The following PCDH15 variants were observed in gnomAD, a reference collection of about 807,000 sequenced individuals.
The protein encoded by PCDH15 is protocadherin-15.
PCDH15 carries 129 observed loss-of-function variants against 178.5 expected under a neutral mutation model. The observed-to-expected ratio is 0.72, with a 90% CI of 0.63 to 0.84. The LOEUF is 0.84. Among genes scored for constraint, PCDH15 ranks in the 40% least tolerant of loss-of-function variants. The pLI is 0.00. For synonymous variants in PCDH15, 800 were observed against 732.0 expected (o/e 1.09, Z -1.50); for missense variants, 2,230 against 2,099.9 (o/e 1.06, Z -1.21).
At chr10:54,026,111 C>T (rs116190623) in intron 18 of PCDH15, among the ~76,000 whole-genome samples, 1,704 of 151,682 alleles carry the variant, frequency 0.011, 32 homozygotes, top group African/African-American at 0.04. Flanking sequence ...CTCTGTCACC[C>T]ATGCTGGTGT....
chr10:54,684,461 G>A (rs1024081579), intron 1 of PCDH15, among the ~76,000 whole-genome samples: 1 of 151,946 alleles, frequency 6.6e-6, no homozygotes, highest in Non-Finnish European at 1.5e-5. Context: ...AAATGTTAAA[G>A]CATATGTGGC....
At position 54,746,275 on chromosome 10, in the gene PCDH15, T is replaced by C. The variant is rs111568685; in HGVS notation, c.-29+54650A>G. On this transcript the variant is annotated intron_variant, in intron 1 of 37. Transcript: ENST00000644397. ...TTTCTAAGCACTGTCAAATGTCCTTTTGGGGGCAAAATAATTGTCTGTTAA... is the reference window on the plus strand; with the variant it reads ...TTTCTAAGCACTGTCAAATGTCCTTCTGGGGGCAAAATAATTGTCTGTTAA... Among the ~76,000 whole-genome samples the C allele has an allele frequency of 8.4e-3, 1,276 of 152,158 alleles. 15 individuals carry two copies. The highest frequency in any genetic ancestry group is 0.013 in the Non-Finnish European group (867 of 68,002).
rs751216960 is a variant in PCDH15 at position 53,810,573 on chromosome 10, C to A, written c.4654G>T (p.Glu1552Ter). The A allele has an allele frequency of 2.5e-6, 4 of 1,612,580 alleles. No homozygotes were observed. In the South Asian group the frequency reaches 4.4e-5, roughly 18 times the overall value. ...GTAATTACCTCTTCCTCCTCATATT[C>A]TTCCTCAGCTTCACCAACCACCTCA... is the stretch of plus-strand genomic sequence containing the variant. Reference protein sequence around the residue: ...YGEVVGEAEEEYEEEEWARKR... With the variant: ...YGEVVGEAEE The change falls in exon 37 of 38, where the codon GAA (glutamate) becomes TAA (stop). Residue 1552 changes from glutamate to a stop codon, truncating the protein, a stop_gained. Transcript: ENST00000644397. LOFTEE classifies it high-confidence loss of function.
chr10:54,753,763 A>T (rs1031561722), intron 1 of PCDH15, among the ~76,000 whole-genome samples: 1 of 152,206 alleles, frequency 6.6e-6, no homozygotes, highest in East Asian at 1.9e-4. Context: ...CACCTTCCTG[A>T]GCACAGAAAG....
chr10:53,908,075 G>A (rs2593105), intron 25 of PCDH15, among the ~76,000 whole-genome samples: 116,077 of 152,044 alleles, frequency 0.76, 45,000 homozygotes, highest in East Asian at 1. Context: ...TACTGAATAA[G>A]AAGCCAATGA....
intron 2 of PCDH15, among the ~76,000 whole-genome samples, chr10:55,034,481 T>C (rs971205403): frequency 6.6e-5 from 10 of 152,164 alleles, no homozygotes; most frequent in African/African-American, 2.4e-4. Context: ...TTGTTTTCTT[T>C]GTAAGTTACC....
intron 2 of PCDH15, among the ~76,000 whole-genome samples, chr10:54,962,265 C>T (rs149118333): frequency 4.0e-4 from 61 of 152,082 alleles, no homozygotes; most frequent in African/African-American, 1.1e-3. Context: ...TGTAACACTA[C>T]AGTCCTGCTG....
intron 3 of PCDH15, among the ~76,000 whole-genome samples, chr10:54,447,321 T>C (rs753370066): frequency 4.0e-5 from 6 of 151,688 alleles, no homozygotes; most frequent in Non-Finnish European, 3.0e-5. Flanking sequence ...TGATGTGCAA[T>C]CAATTTTTTG....
At chr10:54,468,813 A>T (rs898399869) in intron 3 of PCDH15, among the ~76,000 whole-genome samples, 4 of 152,086 alleles carry the variant, frequency 2.6e-5, no homozygotes, top group Non-Finnish European at 5.9e-5. Flanking sequence ...TATTTGTTTT[A>T]TATGTCTGGG....
intron 2 of PCDH15, among the ~76,000 whole-genome samples, chr10:54,566,467 A>G (rs143155628): frequency 1.0e-3 from 157 of 152,206 alleles, no homozygotes; most frequent in Non-Finnish European, 1.7e-3. Context: ...TTCACTGACC[A>G]AAAAATCCTC....
chr10:54,386,386 A>G, intron 3 of PCDH15, among the ~76,000 whole-genome samples: 1 of 152,112 alleles, frequency 6.6e-6, no homozygotes, highest in East Asian at 1.9e-4. Context: ...AGGTTGGACA[A>G]GCTTGCTTTA....
chr10:54,622,957 C>G (rs2093434536), intron 2 of PCDH15, among the ~76,000 whole-genome samples: 1 of 150,264 alleles, frequency 6.7e-6, no homozygotes, highest in South Asian at 2.1e-4. Context: ...ACCTTGCCTA[C>G]TAATGTCAGA....
intron 2 of PCDH15, among the ~76,000 whole-genome samples, chr10:54,949,636 A>C (rs1398691480): frequency 6.6e-6 from 1 of 152,030 alleles, no homozygotes; most frequent in Non-Finnish European, 1.5e-5. Flanking sequence ...CTTCCCTTTA[A>C]GTTGCAATTC....
At chr10:55,213,069 T>C (rs1006792686) in intron 1 of PCDH15, among the ~76,000 whole-genome samples, 13 of 152,124 alleles carry the variant, frequency 8.5e-5, no homozygotes, top group Non-Finnish European at 1.8e-4. Flanking sequence ...AAAGACATGA[T>C]TAAAATAGCA....
intron 2 of PCDH15, among the ~76,000 whole-genome samples, chr10:54,561,181 C>A (rs1448473247): frequency 1.3e-5 from 2 of 151,876 alleles, no homozygotes; most frequent in Non-Finnish European, 2.9e-5. Flanking sequence ...ACGACACATC[C>A]CCAGGAAGTT....
At chr10:54,451,791 G>A (rs1460003339) in intron 3 of PCDH15, among the ~76,000 whole-genome samples, 1 of 151,788 alleles carries the variant, frequency 6.6e-6, no homozygotes, top group Non-Finnish European at 1.5e-5. Context: ...ATTTCAGTGA[G>A]AATATATATA....
At chr10:54,803,449 G>GA (rs1439449037), upstream of PCDH15, among the ~76,000 whole-genome samples, 3 of 152,158 alleles carry the variant, frequency 2.0e-5, no homozygotes, top group Non-Finnish European at 2.9e-5. Flanking sequence ...GGAGGAGTGG[G>GA]ATAAAGTGCC....
At chr10:54,236,388 T>G (rs1423994918) in intron 9 of PCDH15, among the ~76,000 whole-genome samples, 1 of 152,154 alleles carries the variant, frequency 6.6e-6, no homozygotes, top group Non-Finnish European at 1.5e-5. Flanking sequence ...ACCTTTTTTT[T>G]TTAAATGGCT....
chr10:53,959,989 C>T (rs142456552), intron 22 of PCDH15, 145 bp from the exon 23 acceptor site: 1 of 695,334 alleles, frequency 1.4e-6, no homozygotes, highest in Non-Finnish European at 2.6e-6. Flanking sequence ...TACCAGGTGG[C>T]AGACACTATG....
Sources: gnomAD v4.1 joint callset for allele counts (sites outside exome capture counted in the v4.1 genomes callset) on GRCh38, gnomAD v4.1.1 for gene constraint, MANE v1.5 for transcripts, NCBI Gene and HGNC (gene_info 2026-07-23, HGNC 2026-07-21) for gene names.